Variants in COL23A1 observed in about 807,000 individuals in gnomAD.
COL23A1 encodes the protein collagen type XXIII alpha 1 chain, also known as collagen alpha-1(XXIII) chain.
In COL23A1, 97 loss-of-function variants were observed where a neutral mutation model predicts 99.3. That is an observed-to-expected ratio of 0.98 (90% CI 0.83 to 1.16). The LOEUF (loss-of-function observed/expected upper bound fraction) is 1.16, where lower values mean the gene tolerates loss of function less well. Ranked by LOEUF, COL23A1 falls within the 50% of genes most tolerant of loss-of-function variation. COL23A1 has a pLI of 0.00. For synonymous variants in COL23A1, 320 were observed against 308.2 expected, an observed-to-expected ratio of 1.04 and a Z score of -0.40; for missense variants, 762 against 757.4, an observed-to-expected ratio of 1.01 and a Z score of -0.07.
intron 3 of COL23A1, among the ~76,000 whole-genome samples, chr5:178,299,737 TTTTATTTCATATTTA>T (rs1757929989): frequency 1.3e-5 from 2 of 151,938 alleles, no homozygotes; most frequent in Non-Finnish European, 1.5e-5. Flanking sequence ...ATTTTTTAAT[TTTTATTTCATATTTA>T]TTTATTTACT....
intron 2 of COL23A1, among the ~76,000 whole-genome samples, chr5:178,465,943 G>A (rs1015169717): frequency 2.6e-5 from 4 of 152,156 alleles, no homozygotes; most frequent in African/African-American, 9.7e-5. Context: ...CACACTTCAG[G>A]ACACAAAACA....
chr5:178,243,570 A>C (rs72819012), intron 25 of COL23A1, among the ~76,000 whole-genome samples: 5,557 of 152,130 alleles, frequency 0.037, 143 homozygotes, highest in Non-Finnish European at 0.054. Flanking sequence ...CGGGGCAGGC[A>C]AGAGAGTGCT....
At chr5:178,463,324 G>A (rs1756229108) in intron 2 of COL23A1, among the ~76,000 whole-genome samples, 1 of 152,236 alleles carries the variant, frequency 6.6e-6, no homozygotes, top group African/African-American at 2.4e-5. Context: ...TTCATCAGAT[G>A]TGTGGAAATA....
chr5:178,250,716 T>A (rs62388745), intron 17 of COL23A1, among the ~76,000 whole-genome samples: 10 of 67,650 alleles, frequency 1.5e-4, no homozygotes, highest in East Asian at 3.1e-4. Flanking sequence ...GGCATGGTGG[T>A]TCACACCTGT....
At chr5:178,245,860 T>C in intron 25 of COL23A1, 82 bp downstream of exon 25, 3 of 1,510,310 alleles carry the variant, frequency 2.0e-6, no homozygotes, top group Non-Finnish European at 9.2e-7. Context: ...CACACTTGAG[T>C]AGCCAGATCA....
chr5:178,497,546 A>C (rs1330006054), intron 2 of COL23A1, among the ~76,000 whole-genome samples: 1 of 152,234 alleles, frequency 6.6e-6, no homozygotes, highest in Non-Finnish European at 1.5e-5. Flanking sequence ...GAAGCAACAA[A>C]GATGTCTCTC....
chr5:178,464,903 C>T (rs964402557), intron 2 of COL23A1, among the ~76,000 whole-genome samples: 3 of 152,342 alleles, frequency 2.0e-5, no homozygotes, highest in South Asian at 4.1e-4. Flanking sequence ...TGGCTCTGTG[C>T]TTGAACGGAA....
In COL23A1 at chr5:178,556,011, G is replaced by C. The variant is rs952453984; in HGVS notation, c.361+4671C>G. Among the ~76,000 whole-genome samples the C allele has an allele frequency of 5.4e-4, 82 of 152,218 alleles. 1 individual carries two copies. Among genetic ancestry groups the C allele is most frequent in the African/African-American group, 2.0e-3 (81 of 41,460 alleles). On this transcript the variant is annotated intron_variant, in intron 2 of 28. Coordinates refer to ENST00000390654, the MANE Select transcript of COL23A1 (RefSeq NM_173465.4). Reference sequence around the variant, plus strand: ...GGGAGAACAAAGCACGAGGAAGTCAGACAACAGGCTACACAGCAGGCCTTC... The same window carrying C: ...GGGAGAACAAAGCACGAGGAAGTCACACAACAGGCTACACAGCAGGCCTTC...
At chr5:178,334,008 T>TC (rs1760184442) in intron 2 of COL23A1, among the ~76,000 whole-genome samples, 1 of 152,122 alleles carries the variant, frequency 6.6e-6, no homozygotes, top group South Asian at 2.1e-4. Context: ...AGAGAGGTTT[T>TC]CCCTTTCTCC....
At chr5:178,329,671 T>G (rs965810228) in intron 2 of COL23A1, among the ~76,000 whole-genome samples, 1 of 152,162 alleles carries the variant, frequency 6.6e-6, no homozygotes, top group Non-Finnish European at 1.5e-5. Flanking sequence ...CTGGGCCCAG[T>G]GGCTCACGCC....
intron 1 of COL23A1, among the ~76,000 whole-genome samples, chr5:178,573,448 A>C (rs1763205284): frequency 6.6e-6 from 1 of 152,198 alleles, no homozygotes; most frequent in African/African-American, 2.4e-5. Context: ...ATGTGGGTTT[A>C]ATCAGTGACT....
intron 2 of COL23A1, among the ~76,000 whole-genome samples, chr5:178,554,098 G>T (rs745782268): frequency 6.6e-6 from 1 of 152,154 alleles, no homozygotes; most frequent in Non-Finnish European, 1.5e-5. Context: ...ACAGAGAATC[G>T]GGCCACGCAG....
At chr5:178,331,411 CCT>C (rs1465408448) in intron 2 of COL23A1, among the ~76,000 whole-genome samples, 1 of 152,244 alleles carries the variant, frequency 6.6e-6, no homozygotes, top group Non-Finnish European at 1.5e-5. Flanking sequence ...ACCTACACTC[CCT>C]GAGGCTCAGT....
intron 25 of COL23A1, among the ~76,000 whole-genome samples, chr5:178,244,959 CAT>C (rs1764590512): frequency 9.3e-6 from 1 of 107,928 alleles, no homozygotes; most frequent in Non-Finnish European, 2.2e-5. Flanking sequence ...CCACTGCCAT[CAT>C]CATCCATCCA....
intron 3 of COL23A1, among the ~76,000 whole-genome samples, chr5:178,303,862 G>A (rs1483330581): frequency 6.6e-6 from 1 of 152,226 alleles, no homozygotes; most frequent in African/African-American, 2.4e-5. Flanking sequence ...CTCAGGTGTG[G>A]GAAGCGCTGA....
rs1308393049 is a variant in COL23A1, at chr5:178,280,081, G to C, written c.441+8243C>G. On this transcript the variant is annotated intron_variant, in intron 5 of 28. Coordinates refer to ENST00000390654, the MANE Select transcript of COL23A1 (RefSeq NM_173465.4). This position sits in a 1 kb window ranked among gnomAD's most constrained non-coding sequence, Gnocchi z 4.9. ...CTGAATGGATCAACAACGGTGAAGGGAACGATTCTCTGAATGAACGTCCAT... is the reference window on the plus strand; with the variant it reads ...CTGAATGGATCAACAACGGTGAAGGCAACGATTCTCTGAATGAACGTCCAT... Among the ~76,000 whole-genome samples, 2 of 152,254 alleles carry C rather than the reference G, an allele frequency of 1.3e-5. No individual in the cohort carries two copies. Among genetic ancestry groups the C allele is most frequent in the African/African-American group, 2.4e-5 (1 of 41,470 alleles).
At chr5:178,392,980 C>T (rs1277054319) in intron 2 of COL23A1, among the ~76,000 whole-genome samples, 1 of 152,206 alleles carries the variant, frequency 6.6e-6, no homozygotes, top group Non-Finnish European at 1.5e-5. Flanking sequence ...TGCTCAAAAC[C>T]ACCTGCTCAG....
intron 1 of COL23A1, among the ~76,000 whole-genome samples, chr5:178,585,729 T>TGGATGGCGCTGGGGTAATG (rs1562115562): frequency 0.057 from 615 of 10,866 alleles, 80 homozygotes; most frequent in East Asian, 0.12. Context: ...GGGGTAACAC[T>TGGATGGCGCTGGGGTAATG]CCACAGCCCT....
At chr5:178,417,389 C>T (rs530661521) in intron 2 of COL23A1, among the ~76,000 whole-genome samples, 12 of 152,292 alleles carry the variant, frequency 7.9e-5, no homozygotes, top group South Asian at 6.2e-4. Context: ...TTCCTCGCTA[C>T]GTGTACCTCG....
Sources: gnomAD v4.1 joint callset for allele counts (sites outside exome capture counted in the v4.1 genomes callset) on GRCh38, gnomAD v4.1.1 for gene constraint, Gnocchi (gnomAD v3.1) non-coding constraint, MANE v1.5 for transcripts, NCBI Gene and HGNC (gene_info 2026-07-23, HGNC 2026-07-21) for gene names.